The following TMEM117 variants were observed in gnomAD, a reference collection of about 807,000 sequenced individuals.
TMEM117 encodes transmembrane protein 117.
TMEM117 carries 27 observed loss-of-function variants against 52.4 expected under a neutral mutation model. The observed-to-expected ratio is 0.51, with a 90% CI of 0.38 to 0.71. The LOEUF is 0.71. Ranked by LOEUF, TMEM117 falls within the 30% of genes least tolerant of loss-of-function variation. The probability of loss-of-function intolerance (pLI) is 0.00; values close to 1 mark genes in which losing one functional copy is unlikely to be tolerated. For synonymous variants in TMEM117, 215 were observed against 206.3 expected, an observed-to-expected ratio of 1.04 and a Z score of -0.36; for missense variants, 556 against 630.5, an observed-to-expected ratio of 0.88 and a Z score of 1.26.
chr12:44,334,235 C>G (rs1951309969), intron 6 of TMEM117, among the ~76,000 whole-genome samples: 1 of 152,030 alleles, frequency 6.6e-6, no homozygotes, highest in Non-Finnish European at 1.5e-5. Flanking sequence ...GTAATTATGA[C>G]ATAAAATTGT....
intron 3 of TMEM117, among the ~76,000 whole-genome samples, chr12:44,138,861 G>A (rs1948529665): frequency 6.6e-6 from 1 of 152,146 alleles, no homozygotes; most frequent in Non-Finnish European, 1.5e-5. Context: ...TAAGTGACTG[G>A]AGTCATTAAT....
At chr12:44,196,218 A>G (rs183781003) in intron 4 of TMEM117, among the ~76,000 whole-genome samples, 5 of 152,314 alleles carry the variant, frequency 3.3e-5, no homozygotes, top group African/African-American at 1.2e-4. Context: ...ATTTAGAAAA[A>G]CAAAAGAACA....
At chr12:44,108,206 T>A (rs1947996175) in intron 3 of TMEM117, among the ~76,000 whole-genome samples, 1 of 152,038 alleles carries the variant, frequency 6.6e-6, no homozygotes, top group African/African-American at 2.4e-5. Context: ...TTTATTTATT[T>A]ATTTATTTTT....
At chr12:44,351,791 A>G (rs1300898548) in intron 6 of TMEM117, among the ~76,000 whole-genome samples, 1 of 152,006 alleles carries the variant, frequency 6.6e-6, no homozygotes, top group East Asian at 1.9e-4. Flanking sequence ...TGTGTTTGTC[A>G]AAATCCAAGT....
intron 6 of TMEM117, among the ~76,000 whole-genome samples, chr12:44,302,820 C>T (rs1413611406): frequency 6.6e-6 from 1 of 152,132 alleles, no homozygotes; most frequent in African/African-American, 2.4e-5. Context: ...GTACTCAAGA[C>T]ATTTGAAAAT....
chr12:44,301,725 C>A (rs1192154396), intron 6 of TMEM117, among the ~76,000 whole-genome samples: 1 of 150,802 alleles, frequency 6.6e-6, no homozygotes, highest in Non-Finnish European at 1.5e-5. Flanking sequence ...CTTTTTTTTT[C>A]TCTTATTGTA....
chr12:43,942,537 T>A (rs1240097439), intron 2 of TMEM117, among the ~76,000 whole-genome samples: 6 of 152,148 alleles, frequency 3.9e-5, no homozygotes. Context: ...AGTCACATTC[T>A]CCCTGACTTT....
intron 6 of TMEM117, among the ~76,000 whole-genome samples, chr12:44,331,659 C>G (rs568864208): frequency 1.3e-5 from 2 of 152,156 alleles, no homozygotes; most frequent in Admixed American, 6.6e-5. Context: ...CAGTAAAGTT[C>G]ATTTACATTT....
intron 3 of TMEM117, among the ~76,000 whole-genome samples, chr12:44,042,786 A>G (rs948945695): frequency 1.3e-5 from 2 of 151,184 alleles, no homozygotes; most frequent in Non-Finnish European, 2.9e-5. Context: ...ACACACACAC[A>G]CACACACACA....
At chr12:44,133,950 T>C (rs781144630) in intron 3 of TMEM117, among the ~76,000 whole-genome samples, 2 of 152,190 alleles carry the variant, frequency 1.3e-5, no homozygotes, top group African/African-American at 4.8e-5. Context: ...TCTGACACTT[T>C]GTAAGAGACC....
At chr12:43,813,244 T>TG in the TMEM117 span, among the ~76,000 whole-genome samples, 3 of 134,342 alleles carry the variant, frequency 2.2e-5, no homozygotes, top group African/African-American at 5.8e-5. Context: ...TTTTTTTTTT[T>TG]TTTTTTTTTT....
At chr12:43,996,767 A>G (rs755179872) in intron 3 of TMEM117, among the ~76,000 whole-genome samples, 28 of 152,186 alleles carry the variant, frequency 1.8e-4, no homozygotes, top group Non-Finnish European at 3.4e-4. Context: ...TTGTATAACC[A>G]TATCCCAGTG....
At chr12:44,310,746 A>G (rs1404383032) in intron 6 of TMEM117, among the ~76,000 whole-genome samples, 1 of 152,170 alleles carries the variant, frequency 6.6e-6, no homozygotes, top group Non-Finnish European at 1.5e-5. Flanking sequence ...GGTGCCTGGG[A>G]TATATGTTCC....
intron 3 of TMEM117, among the ~76,000 whole-genome samples, chr12:44,107,367 T>G (rs1386726746): frequency 6.6e-6 from 1 of 152,112 alleles, no homozygotes; most frequent in Non-Finnish European, 1.5e-5. Context: ...GTGACCAGCA[T>G]CAAAAGAGAG....
At position 44,050,017 on chromosome 12, in the gene TMEM117, G is replaced by T. The variant is rs548117284; in HGVS notation, c.411-93508G>T. 2.1e-3 allele frequency among the ~76,000 whole-genome samples: 319 copies of T among 152,320 alleles called. 2 individuals are homozygous for T. Among genetic ancestry groups the T allele is most frequent in the African/African-American group, 7.0e-3 (290 of 41,570 alleles). ...GATTAGCCTGGGGGATCAAGGGACA[G>T]ATAAGGCAAAACAATCAATAATTCA... On this transcript the variant is annotated intron_variant, in intron 3 of 7. Coordinates refer to ENST00000266534, the MANE Select transcript of TMEM117 (RefSeq NM_032256.3).
rs545612772 is a variant in TMEM117 at position 44,065,622 on chromosome 12, A to G, written c.411-77903A>G. Among the ~76,000 whole-genome samples, 21 of 152,356 alleles carry G rather than the reference A, an allele frequency of 1.4e-4. 1 individual carries two copies. The highest frequency in any genetic ancestry group is 5.0e-4 in the African/African-American group (21 of 41,602). ...GGCAAAATCAAAACTCCACCAAATC[A>G]CAAATTTTATTTGGTAAAAATCCAT... On this transcript the variant is annotated intron_variant, in intron 3 of 7. Transcript: ENST00000266534.
At chr12:44,080,819 T>C (rs544694408) in intron 3 of TMEM117, among the ~76,000 whole-genome samples, 1 of 152,344 alleles carries the variant, frequency 6.6e-6, no homozygotes, top group Non-Finnish European at 1.5e-5. Flanking sequence ...GTCTGATGTA[T>C]TGTCTGTTAC....
intron 4 of TMEM117, among the ~76,000 whole-genome samples, chr12:44,152,023 AAATATGT>A (rs1948737212): frequency 8.2e-6 from 1 of 121,782 alleles, no homozygotes. Context: ...TTATATATTT[AAATATGT>A]AATATATATT....
intron 3 of TMEM117, among the ~76,000 whole-genome samples, chr12:43,947,398 A>G (rs1015081540): frequency 6.6e-6 from 1 of 152,230 alleles, no homozygotes. Flanking sequence ...ATTAACTTTT[A>G]TGACACATCA....
Sources: gnomAD v4.1 joint callset for allele counts (sites outside exome capture counted in the v4.1 genomes callset) on GRCh38, gnomAD v4.1.1 for gene constraint, MANE v1.5 for transcripts, NCBI Gene and HGNC (gene_info 2026-07-23, HGNC 2026-07-21) for gene names.